The following HMCN1 variants were observed in gnomAD, a reference collection of about 807,000 sequenced individuals.
HMCN1 encodes the protein hemicentin 1, also known as hemicentin-1.
In HMCN1, 321 loss-of-function variants were observed where a neutral mutation model predicts 625.9. The ratio of observed to expected loss-of-function variants is 0.51; its 90% CI spans 0.47 to 0.56. The LOEUF is 0.56. Ranked by LOEUF, HMCN1 falls within the 20% of genes least tolerant of loss-of-function variation. The pLI, the probability that HMCN1 is intolerant of heterozygous loss-of-function variation, is 0.00. For synonymous variants in HMCN1, 2,425 were observed against 2,417.6 expected (o/e 1.00, Z -0.09); for missense variants, 6,588 against 6,887.3 (o/e 0.96, Z 1.54).
At chr1:185,870,746 A>G (rs1663560115) in intron 4 of HMCN1, among the ~76,000 whole-genome samples, 1 of 152,204 alleles carries the variant, frequency 6.6e-6, no homozygotes, top group African/African-American at 2.4e-5. Flanking sequence ...ATGTACAATT[A>G]AGCAATAAAT....
chr1:185,922,883 T>G (rs1224474530), intron 7 of HMCN1, among the ~76,000 whole-genome samples: 4 of 152,190 alleles, frequency 2.6e-5, no homozygotes, highest in Non-Finnish European at 5.9e-5. Flanking sequence ...TTACCTATTG[T>G]CAAGGTAAAA....
At chr1:186,047,734 AATTG>A (rs1008239650) in intron 41 of HMCN1, among the ~76,000 whole-genome samples, 2 of 152,050 alleles carry the variant, frequency 1.3e-5, no homozygotes, top group African/African-American at 4.8e-5. Flanking sequence ...AAGATCTTTT[AATTG>A]ATTGAGTTTC....
chr1:186,059,466 T>C (rs1657548719), intron 46 of HMCN1, among the ~76,000 whole-genome samples: 1 of 151,984 alleles, frequency 6.6e-6, no homozygotes, highest in Non-Finnish European at 1.5e-5. Flanking sequence ...GGTGTTTTGG[T>C]TTTATTTATC....
Position 185,970,465 on chromosome 1 carries a change from A to G in HMCN1, c.2343A>G (p.Ala781=), listed in dbSNP as rs754555903. 78 of 1,613,868 alleles carry G rather than the reference A, an allele frequency of 4.8e-5. No individual in the cohort carries two copies. In the Admixed American group the frequency reaches 8.5e-4, roughly 18 times the overall value. Residue 781 remains alanine, a synonymous_variant, in exon 15 of 107, where the codon GCA becomes GCG. Transcript: ENST00000271588. ...TCVAINEAGR[A]TGKITLDVGS... Reference sequence around the variant, plus strand: ...TAGCCATCAATGAGGCTGGAAGAGCAACTGGCAAGATAACTCTGGATGTTG... The same window carrying G: ...TAGCCATCAATGAGGCTGGAAGAGCGACTGGCAAGATAACTCTGGATGTTG...
At position 185,925,135 on chromosome 1, in the gene HMCN1, C is replaced by T; in HGVS notation, c.1374C>T (p.Pro458=). The T allele has an allele frequency of 1.9e-6, 3 of 1,613,970 alleles. No individual in the cohort carries two copies. The highest frequency in any genetic ancestry group is 2.5e-6 in the Non-Finnish European group (3 of 1,179,908). ...CCTGCTCTGTTGACAGTCTTTTGCC[C>T]TTTACCTTGAGCTTTGTCAGAAATG... ...QIPCSVDSLL[P]FTLSFVRNGV... is the part of the protein sequence containing the mutation. Residue 458 remains proline (P), a synonymous_variant, in exon 9 of 107, where the codon CCC becomes CCT. Transcript: ENST00000271588.
At chr1:185,838,291 G>A (rs372407211) in intron 1 of HMCN1, among the ~76,000 whole-genome samples, 3 of 152,158 alleles carry the variant, frequency 2.0e-5, no homozygotes, top group Non-Finnish European at 4.4e-5. Flanking sequence ...AAGCCTCAGC[G>A]CTGAGGTGTG....
chr1:185,936,306 G>A (rs1254096954), intron 11 of HMCN1, among the ~76,000 whole-genome samples: 1 of 151,846 alleles, frequency 6.6e-6, no homozygotes, highest in Non-Finnish European at 1.5e-5. Context: ...ACTTCAAAAA[G>A]ACAAAGCTAA....
In HMCN1 at chr1:186,178,487, T is replaced by C. The variant is rs754911463; in HGVS notation, c.16015T>C (p.Cys5339Arg). The stretch of plus-strand genomic sequence containing the variant: ...CTCCAACACCCCCGGCAGCTTCAAG[T>C]GTATCTGTCCACCAGGACAACATTT... ...QCSNTPGSFKCICPPGQHLLG... is the reference protein window; with the variant it reads ...QCSNTPGSFKRICPPGQHLLG... The change falls in exon 104 of 107, where the codon TGT (cysteine) becomes CGT (arginine). Residue 5339 changes from cysteine (C) to arginine (R), a missense_variant. Physicochemically the swap from Cys to Arg is radical, Grantham distance 180. This residue lies in a region of HMCN1 where 1,954 missense variants were observed against 2,013.1 expected (regional missense o/e 0.97). Transcript: ENST00000271588. 6.2e-7 allele frequency: 1 copy of C among 1,614,102 alleles called. No individual in the cohort carries two copies. The highest frequency in any genetic ancestry group is 8.5e-7 in the Non-Finnish European group (1 of 1,179,986).
chr1:185,889,769 C>G (rs1664927944), intron 4 of HMCN1, among the ~76,000 whole-genome samples: 1 of 140,694 alleles, frequency 7.1e-6, no homozygotes, highest in African/African-American at 3.1e-5. Context: ...GTCTAAAATT[C>G]TCTTTTTTGG....
rs1558256376 is a variant in HMCN1 at position 186,144,221 on chromosome 1, G to A, written c.13973G>A (p.Ser4658Asn). 15 of 1,612,114 alleles carry A rather than the reference G, an allele frequency of 9.3e-6. No individual in the cohort carries two copies. Among genetic ancestry groups the A allele is most frequent in the Non-Finnish European group, 1.2e-5 (14 of 1,178,962 alleles). The change falls in exon 90 of 107, where the codon AGT becomes AAT. Residue 4658 changes from serine (S) to asparagine (N), a missense_variant. Physicochemically the swap from Ser to Asn is conservative, Grantham distance 46. Transcript: ENST00000271588. ...CAGCCTTGGGGAACATGCAGCGAAA[G>A]TTGTGGGAAAGGTACTCAGACAAGA... ...AWQPWGTCSE[S>N]CGKGTQTRAR...
At chr1:185,878,620 G>T (rs1242388017) in intron 4 of HMCN1, among the ~76,000 whole-genome samples, 3 of 151,962 alleles carry the variant, frequency 2.0e-5, no homozygotes, top group African/African-American at 7.3e-5. Context: ...TTGGTGTGCT[G>T]GTAGATTTGA....
At chr1:186,004,489 A>G (rs1653412429) in intron 29 of HMCN1, among the ~76,000 whole-genome samples, 1 of 152,222 alleles carries the variant, frequency 6.6e-6, no homozygotes, top group East Asian at 1.9e-4. Context: ...AAACAGCAAA[A>G]TAGAAAATAT....
At chr1:185,777,869 T>C (rs543907360) in intron 1 of HMCN1, among the ~76,000 whole-genome samples, 189 of 152,370 alleles carry the variant, frequency 1.2e-3, no homozygotes, top group African/African-American at 4.3e-3. Flanking sequence ...TGCCATGCTC[T>C]TAACTGCCTT....
At chr1:186,123,341 TGG>T in intron 81 of HMCN1, 121 bp downstream of exon 81, 1 of 1,195,078 alleles carries the variant, frequency 8.4e-7, no homozygotes, top group Non-Finnish European at 1.2e-6. Flanking sequence ...AAAGTGTGTG[TGG>T]GGGTGTGGTG....
At chr1:185,991,462 A>C (rs377021042) in intron 22 of HMCN1, among the ~76,000 whole-genome samples, 3 of 152,284 alleles carry the variant, frequency 2.0e-5, no homozygotes, top group East Asian at 3.9e-4. Context: ...TATGCATTCT[A>C]CACATACATC....
chr1:185,965,746 A>G, intron 13 of HMCN1, 56 bp from the exon 14 acceptor site: 1 of 984,162 alleles, frequency 1.0e-6, no homozygotes, highest in Non-Finnish European at 1.7e-6. Context: ...AAACATAAAC[A>G]AAATCCATCT....
At chr1:185,852,785 T>A (rs1662242324) in intron 2 of HMCN1, among the ~76,000 whole-genome samples, 1 of 152,046 alleles carries the variant, frequency 6.6e-6, no homozygotes, top group Non-Finnish European at 1.5e-5. Flanking sequence ...AAAGTTCTTT[T>A]AAGGGAAATA....
At chr1:186,146,651 T>C (rs2102560883) in intron 93 of HMCN1, among the ~76,000 whole-genome samples, 1 of 152,306 alleles carries the variant, frequency 6.6e-6, no homozygotes. Flanking sequence ...CATTTAAAAA[T>C]GTATAGGACC....
At chr1:186,049,570 C>T (rs556043006) in intron 42 of HMCN1, among the ~76,000 whole-genome samples, 1 of 152,004 alleles carries the variant, frequency 6.6e-6, no homozygotes, top group Non-Finnish European at 1.5e-5. Flanking sequence ...TGGCTATCAG[C>T]TAAAAAGCAT....
Sources: allele counts gnomAD v4.1 joint callset (sites outside exome capture counted in the v4.1 genomes callset), GRCh38; gene constraint gnomAD v4.1.1; regional missense constraint gnomAD v4.1.1; transcripts MANE v1.5; gene names NCBI Gene and HGNC (gene_info 2026-07-23, HGNC 2026-07-21).